ALOXE3: variants seen among roughly 807,000 people sequenced by gnomAD.
ALOXE3 encodes the protein arachidonate epidermal lipoxygenase 3.
Under a neutral mutation model 87.5 loss-of-function variants are expected in ALOXE3, and 78 were observed. The ratio of observed to expected loss-of-function variants is 0.89; its 90% CI spans 0.74 to 1.08. The LOEUF is 1.08. Ranked by LOEUF, ALOXE3 falls within the 50% of genes least tolerant of loss-of-function variation. The probability of loss-of-function intolerance (pLI) is 0.00; values close to 1 mark genes in which losing one functional copy is unlikely to be tolerated. For synonymous variants in ALOXE3, 363 were observed against 370.8 expected, an observed-to-expected ratio of 0.98 and a Z score of 0.24; for missense variants, 946 against 912.4, an observed-to-expected ratio of 1.04 and a Z score of -0.47.
intron 4 of ALOXE3, among the ~76,000 whole-genome samples, 185 bp from the exon 5 acceptor site, chr17:8,115,242 A>G (rs1025035466): frequency 2.0e-5 from 3 of 152,244 alleles, no homozygotes; most frequent in Non-Finnish European, 4.4e-5. Flanking sequence ...GGATGGCATT[A>G]ATGCCCACAC....
At chr17:8,097,484 CT>C (rs1349773852) in intron 15 of ALOXE3, among the ~76,000 whole-genome samples, 2 of 152,150 alleles carry the variant, frequency 1.3e-5, no homozygotes, top group Non-Finnish European at 1.5e-5. Flanking sequence ...TCTAAGGTAC[CT>C]TCACAATCAA....
rs1229963755 is a variant in ALOXE3 at position 8,116,891 on chromosome 17, C to A, written c.237G>T (p.Lys79Asn). ...AGATGCGGCTACAGTACCAAGAGTC[C>A]TTGCGGAAGAAAGCGTAGCGCTCCT... Reference protein sequence around the residue: ...VHKERYAFFRKDSWYCSRICV... With the variant: ...VHKERYAFFRNDSWYCSRICV... Residue 79 changes from lysine to asparagine, a missense_variant, in exon 3 of 16, where the codon AAG becomes AAT. Lys to Asn is a moderately conservative substitution (Grantham distance 94). Coordinates refer to ENST00000448843, the MANE Select transcript of ALOXE3 (RefSeq NM_021628.3). The A allele has an allele frequency of 2.5e-6, 4 of 1,614,248 alleles. No individual in the cohort carries two copies. The highest frequency in any genetic ancestry group is 2.2e-5 in the South Asian group (2 of 91,090).
At position 8,102,182 on chromosome 17, in the gene ALOXE3, T is replaced by C. The variant is rs189436115; in HGVS notation, c.1956+1141A>G. ...ACCCTAGCTAAAGCAGATTTAACCA[T>C]TGGGCCTCAGGCTTAAAAGTCTTGA... On this transcript the variant is annotated intron_variant, in intron 15 of 15. Coordinates refer to ENST00000448843, the MANE Select transcript of ALOXE3 (RefSeq NM_021628.3). Among the ~76,000 whole-genome samples, 32 of 152,270 alleles carry C rather than the reference T, an allele frequency of 2.1e-4. 1 individual carries two copies. Among genetic ancestry groups the C allele is most frequent in the African/African-American group, 4.6e-4 (19 of 41,580 alleles).
intron 15 of ALOXE3, among the ~76,000 whole-genome samples, chr17:8,098,234 G>GGT (rs1978681848): frequency 1.1e-5 from 1 of 87,484 alleles, no homozygotes; most frequent in Non-Finnish European, 2.2e-5. Flanking sequence ...TTTGGTTTTT[G>GGT]TTTTTTTTTT....
At chr17:8,118,388 G>C in intron 1 of ALOXE3, 85 bp from the exon 2 acceptor site, 2 of 1,551,250 alleles carry the variant, frequency 1.3e-6, no homozygotes, top group South Asian at 2.4e-5. Context: ...CCTGGTCAGC[G>C]GCCCGGACTG....
chr17:8,107,991 A>AAAGG (rs1555647100), intron 13 of ALOXE3, among the ~76,000 whole-genome samples: 1 of 16,238 alleles, frequency 6.2e-5, no homozygotes, highest in African/African-American at 2.0e-4. Context: ...AGAAAGAAAG[A>AAAGG]AAGGAAGGAA....
chr17:8,108,628 G>A, intron 12 of ALOXE3, 39 bp from the exon 13 acceptor site: 1 of 1,600,956 alleles, frequency 6.2e-7, no homozygotes, highest in Non-Finnish European at 8.5e-7. Flanking sequence ...GAGTAACCAC[G>A]GGCTCAGTCC....
chr17:8,112,127 C>T lies in ALOXE3; in HGVS notation c.750G>A (p.Gln250=), dbSNP rs2151841683. 2.5e-6 allele frequency: 4 copies of T among 1,614,178 alleles called. No individual in the cohort carries two copies. Among genetic ancestry groups the T allele is most frequent in the Non-Finnish European group, 3.4e-6 (4 of 1,180,032 alleles). Residue 250 remains glutamine, a synonymous_variant, in exon 7 of 16, where the codon CAG becomes CAA. Transcript: ENST00000448843. ...KGSWKKLDDM[Q]NIFWCHKTFT... ...AGGTCTTATGGCACCAGAAGATGTT[C>T]TGCATGTCATCCAGCTTCTTCCAGG...
chr17:8,110,910 A>C (rs950397285), intron 8 of ALOXE3, among the ~76,000 whole-genome samples: 4 of 152,326 alleles, frequency 2.6e-5, no homozygotes, highest in Non-Finnish European at 5.9e-5. Flanking sequence ...CTGGAGGAGA[A>C]TGCCTGAGGG....
At chr17:8,117,647 C>T (rs1980715730) in intron 2 of ALOXE3, among the ~76,000 whole-genome samples, 197 bp downstream of exon 2, 1 of 152,154 alleles carries the variant, frequency 6.6e-6, no homozygotes, top group African/African-American at 2.4e-5. Context: ...CCCTGTCCAA[C>T]GCTCCTTCCT....
Position 8,096,811 on chromosome 17 carries a change from G to C in ALOXE3, c.1957-5C>G. On this transcript the variant is annotated splice_region_variant and splice_polypyrimidine_tract_variant and intron_variant, in intron 15 of 15. Transcript: ENST00000448843. ...TGGGTAGGTGCCCAGGGGCCTCTGG[G>C]AGGACATCAGGTAAGAGGTCAGGAT... 6.2e-7 allele frequency: 1 copy of C among 1,614,038 alleles called. No individual in the cohort carries two copies. The highest frequency in any genetic ancestry group is 1.7e-5 in the Admixed American group (1 of 60,016).
intron 15 of ALOXE3, among the ~76,000 whole-genome samples, chr17:8,102,750 C>T (rs1213285436): frequency 6.6e-6 from 1 of 152,170 alleles, no homozygotes; most frequent in African/African-American, 2.4e-5. Flanking sequence ...TTCCTGGGTT[C>T]CCCCAGACCC....
At chr17:8,109,862 C>T (rs1342767753) in intron 11 of ALOXE3, 54 bp downstream of exon 11, 6 of 1,507,808 alleles carry the variant, frequency 4.0e-6, no homozygotes, top group Non-Finnish European at 4.5e-6. Context: ...GGGCGGGTAG[C>T]GGGGCAAAGC....
rs749434468 is a variant in ALOXE3, at chr17:8,096,347, T to A, written c.*280A>T. 4 of 394,414 alleles carry A rather than the reference T, an allele frequency of 1.0e-5. No homozygotes were observed. The highest frequency in any genetic ancestry group is 1.8e-5 in the Non-Finnish European group (4 of 217,528). The allele number at this position is 394,414 out of a possible 1,614,324, so 24.4% of individuals were successfully genotyped here. A position where few individuals can be genotyped will look rare whatever the true frequency, so the allele number is the denominator to read the frequency against. Reference sequence around the variant, plus strand: ...GGCTGGAACAAGAGGCTGCCCCAAGTGGGGCAAGAAGTGAAGCGGTTCCTT... The same window carrying A: ...GGCTGGAACAAGAGGCTGCCCCAAGAGGGGCAAGAAGTGAAGCGGTTCCTT... On this transcript the variant is annotated 3_prime_UTR_variant, in exon 16 of 16. Coordinates refer to ENST00000448843, the MANE Select transcript of ALOXE3 (RefSeq NM_021628.3).
At chr17:8,109,377 G>A (rs765379087) in intron 11 of ALOXE3, 34 bp from the exon 12 acceptor site, 1 of 1,607,970 alleles carries the variant, frequency 6.2e-7, no homozygotes. Flanking sequence ...TCCCGGGCCG[G>A]CCCAATCCCC....
Position 8,109,868 on chromosome 17 carries a change from A to C in ALOXE3, c.1392+48T>G, listed in dbSNP as rs1354706929. The C allele has an allele frequency of 2.6e-6, 4 of 1,524,766 alleles. No individual in the cohort carries two copies. In the African/African-American group the frequency reaches 4.1e-5, roughly 16 times the overall value. 94.5% of individuals were successfully genotyped at this position (1,524,766 alleles called of 1,614,324 possible). A position where few individuals can be genotyped will look rare whatever the true frequency, so the allele number is the denominator to read the frequency against. On this transcript the variant is annotated intron_variant, in intron 11 of 15. Transcript: ENST00000448843. ...AGGGCTTGGGGGCGGGTAGCGGGGC[A>C]AAGCGTCTTCGGGGGCGGAGATCAG...
chr17:8,108,954 C>G (rs1979753303), intron 12 of ALOXE3, among the ~76,000 whole-genome samples: 1 of 152,150 alleles, frequency 6.6e-6, no homozygotes, highest in Non-Finnish European at 1.5e-5. Flanking sequence ...CCACTGGACA[C>G]CCCCTCCTTC....
intron 13 of ALOXE3, among the ~76,000 whole-genome samples, chr17:8,107,917 GAAAGAAAGAAAGAA>G (rs1979543197): frequency 1.7e-4 from 1 of 6,018 alleles, no homozygotes; most frequent in African/African-American, 7.9e-4. Flanking sequence ...AAGAAAGAAA[GAAAGAAAGAAAGAA>G]AGAAAGAAAG....
chr17:8,117,713 A>G (rs1018221379), intron 2 of ALOXE3, 131 bp downstream of exon 2: 14 of 1,517,484 alleles, frequency 9.2e-6, no homozygotes, highest in African/African-American at 5.5e-5. Context: ...AGGGACCTCA[A>G]TAGGGAAGGT....
Sources: gnomAD v4.1 joint callset for allele counts (sites outside exome capture counted in the v4.1 genomes callset) on GRCh38, gnomAD v4.1.1 for gene constraint, MANE v1.5 for transcripts, NCBI Gene and HGNC (gene_info 2026-07-23, HGNC 2026-07-21) for gene names.